The following DOCK3 variants were observed in gnomAD, a reference collection of about 807,000 sequenced individuals.
The protein encoded by DOCK3 is dedicator of cytokinesis 3.
In DOCK3, 60 loss-of-function variants were observed where a neutral mutation model predicts 265.6. The ratio of observed to expected loss-of-function variants is 0.23; its 90% CI spans 0.18 to 0.28. The LOEUF is 0.28. Among genes scored for constraint, DOCK3 ranks in the 10% least tolerant of loss-of-function variants. The pLI is 1.00. For synonymous variants in DOCK3, 881 were observed against 938.0 expected (o/e 0.94, Z 1.11); for missense variants, 1,981 against 2,594.3 (o/e 0.76, Z 5.14).
At chr3:51,000,155 T>G (rs1000928017) in intron 5 of DOCK3, among the ~76,000 whole-genome samples, 10 of 152,196 alleles carry the variant, frequency 6.6e-5, no homozygotes, top group African/African-American at 2.2e-4. Context: ...AGGTTTTTGC[T>G]TCTGGACCTT....
intron 9 of DOCK3, among the ~76,000 whole-genome samples, chr3:51,097,419 T>A (rs908357332): frequency 1.3e-5 from 2 of 152,166 alleles, no homozygotes; most frequent in Non-Finnish European, 2.9e-5. Context: ...AGGAAAACTG[T>A]CTACTCAAGC....
rs748558159 is a variant in DOCK3, at chr3:51,227,395, T to C, written c.1490T>C (p.Ile497Thr). 1.7e-5 allele frequency: 28 copies of C among 1,613,828 alleles called. No homozygotes were observed. Among genetic ancestry groups the C allele is most frequent in the Non-Finnish European group, 8.5e-7 (1 of 1,179,850 alleles). ...WGEIIKLPIP[I>T]DRFRGSHLRF... ...GAAATTATCAAATTGCCTATCCCCA[T>C]TGACCGGTTCCGGGGCTCCCACCTG... is the stretch of plus-strand genomic sequence containing the variant. Residue 497 changes from isoleucine to threonine, a missense_variant, in exon 16 of 53, where the codon ATT (isoleucine) becomes ACT (threonine). Coordinates refer to ENST00000266037, the MANE Select transcript of DOCK3 (RefSeq NM_004947.5).
chr3:50,972,739 T>C (rs191817432), intron 5 of DOCK3, among the ~76,000 whole-genome samples: 63 of 152,360 alleles, frequency 4.1e-4, no homozygotes, highest in African/African-American at 1.5e-3. Context: ...TGGATTTATT[T>C]CTAGTTTCTC....
At chr3:51,333,534 A>C (rs892440386) in intron 35 of DOCK3, among the ~76,000 whole-genome samples, 5 of 152,070 alleles carry the variant, frequency 3.3e-5, no homozygotes, top group Non-Finnish European at 5.9e-5. Context: ...TTCCATCCAG[A>C]AGGGTCAAGG....
chr3:50,895,498 G>A (rs1166596866), intron 4 of DOCK3, among the ~76,000 whole-genome samples: 1 of 151,154 alleles, frequency 6.6e-6, no homozygotes, highest in Non-Finnish European at 1.5e-5. Context: ...GGAGGTAAGG[G>A]GATACAAAGA....
chr3:51,011,791 G>A (rs180687000), intron 5 of DOCK3, among the ~76,000 whole-genome samples: 2 of 152,178 alleles, frequency 1.3e-5, no homozygotes, highest in African/African-American at 4.8e-5. Context: ...GTGACGTACA[G>A]ATGGGGTTTT....
At chr3:51,079,204 T>TA (rs202216907) in intron 7 of DOCK3, among the ~76,000 whole-genome samples, 2,425 of 152,344 alleles carry the variant, frequency 0.016, 33 homozygotes, top group Middle Eastern at 0.058. Flanking sequence ...AGATTATACT[T>TA]AAAGTTTGCA....
At chr3:51,284,827 A>G (rs2081322360) in intron 27 of DOCK3, among the ~76,000 whole-genome samples, 1 of 152,110 alleles carries the variant, frequency 6.6e-6, no homozygotes, top group Non-Finnish European at 1.5e-5. Context: ...CCCACCCAAG[A>G]GACTATCTCC....
chr3:50,870,797 A>T (rs910768675), intron 3 of DOCK3, among the ~76,000 whole-genome samples: 2 of 152,076 alleles, frequency 1.3e-5, no homozygotes, highest in African/African-American at 4.8e-5. Flanking sequence ...TGTGATTACC[A>T]TGAGGCTTGC....
intron 1 of DOCK3, among the ~76,000 whole-genome samples, chr3:50,752,494 C>T (rs1275794389): frequency 1.6e-5 from 2 of 126,018 alleles, no homozygotes; most frequent in Non-Finnish European, 3.3e-5. Flanking sequence ...GGCGACAGAG[C>T]GAGAGTCCGT....
intron 3 of DOCK3, among the ~76,000 whole-genome samples, chr3:50,875,088 A>G (rs1317966526): frequency 2.0e-5 from 3 of 152,118 alleles, no homozygotes; most frequent in Non-Finnish European, 4.4e-5. Context: ...TAAGACAAAT[A>G]CCTAAAGCAT....
intron 12 of DOCK3, among the ~76,000 whole-genome samples, chr3:51,163,500 G>C (rs988849363): frequency 8.6e-5 from 13 of 151,762 alleles, no homozygotes; most frequent in Non-Finnish European, 1.9e-4. Context: ...ATAACCATAT[G>C]TACATTTCAG....
intron 12 of DOCK3, among the ~76,000 whole-genome samples, chr3:51,189,836 T>A (rs143978840): frequency 3.3e-5 from 5 of 152,316 alleles, no homozygotes; most frequent in South Asian, 2.1e-4. Context: ...GAAATCCCCA[T>A]ACTGTTTTCC....
At chr3:51,041,431 A>G (rs1406573777) in intron 5 of DOCK3, among the ~76,000 whole-genome samples, 1 of 150,994 alleles carries the variant, frequency 6.6e-6, no homozygotes, top group Non-Finnish European at 1.5e-5. Flanking sequence ...GTTAGCCAGG[A>G]TGGTCTCGAT....
intron 1 of DOCK3, among the ~76,000 whole-genome samples, chr3:50,715,666 A>T (rs1222923329): frequency 6.6e-6 from 1 of 152,186 alleles, no homozygotes; most frequent in East Asian, 1.9e-4. Flanking sequence ...AGGCACAAAG[A>T]TATGAAAAAG....
intron 2 of DOCK3, among the ~76,000 whole-genome samples, chr3:50,807,246 G>A (rs1205373019): frequency 6.3e-5 from 3 of 47,706 alleles, no homozygotes; most frequent in East Asian, 1.6e-3. Context: ...GCTCTGCCAC[G>A]CTCTTTTTTT....
At chr3:51,029,024 G>A (rs533416641) in intron 5 of DOCK3, among the ~76,000 whole-genome samples, 2 of 152,238 alleles carry the variant, frequency 1.3e-5, no homozygotes, top group East Asian at 3.9e-4. Flanking sequence ...CTTTTCATCT[G>A]AGAGAGCTGA....
chr3:50,964,574 G>A (rs2076975456), intron 5 of DOCK3, among the ~76,000 whole-genome samples: 1 of 152,066 alleles, frequency 6.6e-6, no homozygotes, highest in African/African-American at 2.4e-5. Context: ...TCTCAAAAAT[G>A]AAGCCCAAAA....
intron 19 of DOCK3, among the ~76,000 whole-genome samples, chr3:51,231,913 C>T (rs1264249768): frequency 6.6e-6 from 1 of 152,100 alleles, no homozygotes; most frequent in Non-Finnish European, 1.5e-5. Flanking sequence ...ATCTTGAATC[C>T]ATCTTGAGTT....
Sources: gnomAD v4.1 joint callset for allele counts (sites outside exome capture counted in the v4.1 genomes callset) on GRCh38, gnomAD v4.1.1 for gene constraint, MANE v1.5 for transcripts, NCBI Gene and HGNC (gene_info 2026-07-23, HGNC 2026-07-21) for gene names.